Variants in ZDHHC14 observed in about 807,000 individuals in gnomAD.
ZDHHC14 encodes the protein zDHHC palmitoyltransferase 14.
In ZDHHC14, 16 loss-of-function variants were observed where a neutral mutation model predicts 47.7. The observed-to-expected ratio is 0.34, with a 90% CI of 0.23 to 0.51. The LOEUF is 0.51. ZDHHC14 is among the 20% of genes least tolerant of loss of function. ZDHHC14 has a pLI of 0.97. For missense variants in ZDHHC14, 515 were observed against 662.5 expected, an observed-to-expected ratio of 0.78 and a Z score of 2.44; for synonymous variants, 293 against 278.9, an observed-to-expected ratio of 1.05 and a Z score of -0.50.
At chr6:157,408,092 T>C (rs1020233998) in intron 1 of ZDHHC14, among the ~76,000 whole-genome samples, 1 of 152,228 alleles carries the variant, frequency 6.6e-6, no homozygotes, top group Non-Finnish European at 1.5e-5. Flanking sequence ...CAAGTTGTGA[T>C]AGGTGGGCTA....
chr6:157,524,769 A>C (rs1781098180), intron 1 of ZDHHC14, among the ~76,000 whole-genome samples: 1 of 152,236 alleles, frequency 6.6e-6, no homozygotes, highest in Non-Finnish European at 1.5e-5. Context: ...AGGTAGAAAG[A>C]ATATTCGGGA....
chr6:157,480,738 A>G (rs1779606759), intron 1 of ZDHHC14, among the ~76,000 whole-genome samples: 1 of 152,208 alleles, frequency 6.6e-6, no homozygotes, highest in African/African-American at 2.4e-5. Context: ...ACCATGATGG[A>G]CATTGGTTCT....
chr6:157,611,171 T>C (rs1045758736), intron 3 of ZDHHC14, among the ~76,000 whole-genome samples: 20 of 152,122 alleles, frequency 1.3e-4, no homozygotes, highest in African/African-American at 4.3e-4. Flanking sequence ...AGCTAATTTT[T>C]GTATTTTTAG....
chr6:157,590,603 G>A (rs1456940889), intron 2 of ZDHHC14, among the ~76,000 whole-genome samples: 3 of 152,262 alleles, frequency 2.0e-5, no homozygotes, highest in Admixed American at 6.5e-5. Context: ...TGTCTAGGCA[G>A]AAGTTTTCTG....
chr6:157,619,715 T>G (rs112091614), intron 3 of ZDHHC14, among the ~76,000 whole-genome samples: 4,616 of 64,890 alleles, frequency 0.071, 112 homozygotes, highest in South Asian at 0.16. Flanking sequence ...TTAGGGTTTG[T>G]TTTTTTTTTT....
chr6:157,499,432 T>A (rs934895407), intron 1 of ZDHHC14, among the ~76,000 whole-genome samples: 1 of 151,416 alleles, frequency 6.6e-6, no homozygotes, highest in African/African-American at 2.4e-5. Flanking sequence ...AATCCCATCA[T>A]GGGGCCCCAC....
intron 2 of ZDHHC14, among the ~76,000 whole-genome samples, chr6:157,576,982 A>G (rs558009114): frequency 1.3e-5 from 2 of 152,262 alleles, no homozygotes; most frequent in African/African-American, 2.4e-5. Flanking sequence ...GTACTACCCC[A>G]CAGGTATTTT....
intron 8 of ZDHHC14, among the ~76,000 whole-genome samples, chr6:157,657,775 A>G (rs536130953): frequency 1.3e-5 from 2 of 152,376 alleles, no homozygotes; most frequent in East Asian, 1.9e-4. Flanking sequence ...AAAGCTGTAC[A>G]GAGACATCTG....
intron 1 of ZDHHC14, among the ~76,000 whole-genome samples, chr6:157,497,610 G>T (rs1345368477): frequency 6.6e-6 from 1 of 152,142 alleles, no homozygotes; most frequent in Admixed American, 6.5e-5. Context: ...GGATGAATTT[G>T]GGGATGTGAC....
At chr6:157,448,250 T>C (rs1298424947) in intron 1 of ZDHHC14, among the ~76,000 whole-genome samples, 2 of 152,106 alleles carry the variant, frequency 1.3e-5, no homozygotes, top group Non-Finnish European at 2.9e-5. Flanking sequence ...TGAAAGGATG[T>C]TTTTGGGGGT....
rs930299542 is a variant in ZDHHC14, at chr6:157,463,625, A to G, written c.246-78960A>G. 1.1e-4 allele frequency among the ~76,000 whole-genome samples: 16 copies of G among 152,206 alleles called. No individual in the cohort carries two copies. The highest frequency in any genetic ancestry group is 3.6e-4 in the African/African-American group (15 of 41,456). On this transcript the variant is annotated intron_variant, in intron 1 of 8. Coordinates refer to ENST00000359775, the MANE Select transcript of ZDHHC14 (RefSeq NM_024630.3). This position sits in a 1 kb window ranked among gnomAD's most constrained non-coding sequence, Gnocchi z 4.4. The stretch of plus-strand genomic sequence containing the variant: ...AAGGTCTTGCCAGGTTAAGATGGCT[A>G]TTGTGGATAATATACTCTTAGATAT...
At chr6:157,540,950 A>G (rs2114801809) in intron 1 of ZDHHC14, among the ~76,000 whole-genome samples, 1 of 146,020 alleles carries the variant, frequency 6.8e-6, no homozygotes, top group East Asian at 2.0e-4. Flanking sequence ...ATACCAGGGT[A>G]ATTTCATGCC....
chr6:157,588,649 T>C (rs1783786074), intron 2 of ZDHHC14, among the ~76,000 whole-genome samples: 1 of 152,148 alleles, frequency 6.6e-6, no homozygotes, highest in Non-Finnish European at 1.5e-5. Context: ...GTGAAAACGC[T>C]TGGGTGTGGG....
chr6:157,429,974 A>G (rs1157653357), intron 1 of ZDHHC14, among the ~76,000 whole-genome samples: 1 of 152,198 alleles, frequency 6.6e-6, no homozygotes, highest in Non-Finnish European at 1.5e-5. Context: ...TGGAATCTCT[A>G]CTCAAGAGAT....
intron 2 of ZDHHC14, among the ~76,000 whole-genome samples, chr6:157,556,926 C>T (rs367548428): frequency 6.6e-6 from 1 of 152,046 alleles, no homozygotes; most frequent in Non-Finnish European, 1.5e-5. Flanking sequence ...CTGAGGGGCT[C>T]GGGTTAGAGA....
chr6:157,431,130 C>A (rs894244317), intron 1 of ZDHHC14, among the ~76,000 whole-genome samples: 1 of 152,232 alleles, frequency 6.6e-6, no homozygotes, highest in African/African-American at 2.4e-5. Flanking sequence ...TAAGCCAGCA[C>A]TTACATCAGG....
chr6:157,478,655 C>G (rs1005519068), intron 1 of ZDHHC14, among the ~76,000 whole-genome samples: 4 of 152,098 alleles, frequency 2.6e-5, no homozygotes, highest in Admixed American at 2.6e-4. Flanking sequence ...ACTGTTAGTT[C>G]ATATTGTTGT....
chr6:157,392,944 A>G (rs1228254340), intron 1 of ZDHHC14, among the ~76,000 whole-genome samples: 1 of 152,050 alleles, frequency 6.6e-6, no homozygotes, highest in Non-Finnish European at 1.5e-5. Flanking sequence ...CAATGGCGCC[A>G]TCTCGGCTCA....
At chr6:157,482,859 C>T (rs1562443170) in intron 1 of ZDHHC14, among the ~76,000 whole-genome samples, 1 of 151,800 alleles carries the variant, frequency 6.6e-6, no homozygotes, top group Non-Finnish European at 1.5e-5. Flanking sequence ...TCTCCTGCCT[C>T]AGCCTCCCGA....
Sources: gnomAD v4.1 joint callset for allele counts (sites outside exome capture counted in the v4.1 genomes callset) on GRCh38, gnomAD v4.1.1 for gene constraint, Gnocchi (gnomAD v3.1) non-coding constraint, MANE v1.5 for transcripts, NCBI Gene and HGNC (gene_info 2026-07-23, HGNC 2026-07-21) for gene names.